ARHGEF18: variants seen among roughly 807,000 people sequenced by gnomAD.
ARHGEF18 encodes Rho/Rac guanine nucleotide exchange factor 18.
ARHGEF18 carries 93 observed loss-of-function variants against 155.7 expected under a neutral mutation model. The ratio of observed to expected loss-of-function variants is 0.60; its 90% confidence interval spans 0.50 to 0.71. ARHGEF18 has a LOEUF of 0.71. Ranked by LOEUF, ARHGEF18 falls within the 30% of genes least tolerant of loss-of-function variation. ARHGEF18 has a pLI of 0.00. For synonymous variants in ARHGEF18, 742 were observed against 753.1 expected (o/e 0.99, Z 0.24); for missense variants, 1,593 against 1,816.1 (o/e 0.88, Z 2.23).
At chr19:7,387,443 C>T (rs551630889) in intron 10 of ARHGEF18, among the ~76,000 whole-genome samples, 14 of 152,120 alleles carry the variant, frequency 9.2e-5, no homozygotes, top group Non-Finnish European at 1.5e-4. Flanking sequence ...TGAGCCACCG[C>T]GCCCAGCGCT....
At chr19:7,472,948 C>T (rs541745365), downstream of ARHGEF18, 19 of 455,260 alleles carry the variant, frequency 4.2e-5, no homozygotes, top group East Asian at 6.9e-5. Context: ...GTGATCTGCC[C>T]GCCTCAGCCT....
intron 1 of ARHGEF18, among the ~76,000 whole-genome samples, chr19:7,351,598 C>T (rs1270973947): frequency 6.6e-6 from 1 of 151,998 alleles, no homozygotes; most frequent in Non-Finnish European, 1.5e-5. Context: ...GCTGGGATTA[C>T]AGGCATGACC....
rs1257738632 is a variant in ARHGEF18, at chr19:7,444,601, C to G, written c.1611+147C>G. On this transcript the variant is annotated intron_variant, in intron 14 of 28. Transcript: ENST00000668164. The surrounding 1 kb of genome is among the most constrained non-coding windows in gnomAD (Gnocchi z 4.7). Reference sequence around the variant, plus strand: ...TCACAGCTCAATGCAGCCTCAACCTCTCAGGCTCAGGTGATCCTCCCACCT... The same window carrying G: ...TCACAGCTCAATGCAGCCTCAACCTGTCAGGCTCAGGTGATCCTCCCACCT... The G allele has an allele frequency of 8.5e-7, 1 of 1,176,822 alleles. No individual in the cohort carries two copies. Among genetic ancestry groups the G allele is most frequent in the Non-Finnish European group, 1.2e-6 (1 of 858,768 alleles). 72.9% of individuals were successfully genotyped at this position (1,176,822 alleles called of 1,614,324 possible).
intron 10 of ARHGEF18, among the ~76,000 whole-genome samples, chr19:7,397,035 C>T (rs561151749): frequency 2.8e-5 from 4 of 142,802 alleles, no homozygotes; most frequent in Non-Finnish European, 4.5e-5. Context: ...TTGTTTGGAC[C>T]GAGTCAGGGT....
intron 26 of ARHGEF18, among the ~76,000 whole-genome samples, chr19:7,467,904 T>C (rs939367962): frequency 7.0e-6 from 1 of 143,260 alleles, no homozygotes; most frequent in Non-Finnish European, 1.5e-5. Context: ...AAACATGCCA[T>C]AAATGTTAGA....
intron 10 of ARHGEF18, among the ~76,000 whole-genome samples, chr19:7,431,985 C>A (rs1973996836): frequency 6.6e-6 from 1 of 152,060 alleles, no homozygotes; most frequent in Non-Finnish European, 1.5e-5. Flanking sequence ...TGGATAGTAC[C>A]AGGTTTGGGA....
chr19:7,442,464 A>G (rs1016944268), intron 13 of ARHGEF18, among the ~76,000 whole-genome samples: 2 of 151,994 alleles, frequency 1.3e-5, no homozygotes, highest in African/African-American at 2.4e-5. Context: ...CAATCTCCTG[A>G]GCTCAAGTGA....
rs1415878742 is a variant in ARHGEF18, at chr19:7,458,508, G to T, written c.2182-4G>T. The T allele has an allele frequency of 1.2e-6, 2 of 1,613,766 alleles. No homozygotes were observed. Among genetic ancestry groups the T allele is most frequent in the Non-Finnish European group, 1.7e-6 (2 of 1,179,754 alleles). ...GACCTCCCCAATGCCCTCTACTCATGCAGGACTCAAAGCCACCCGTCATCT... is the reference window on the plus strand; with the variant it reads ...GACCTCCCCAATGCCCTCTACTCATTCAGGACTCAAAGCCACCCGTCATCT... On this transcript the variant is annotated splice_polypyrimidine_tract_variant and splice_region_variant and intron_variant, in intron 18 of 28. Transcript: ENST00000668164.
intron 10 of ARHGEF18, among the ~76,000 whole-genome samples, chr19:7,411,730 C>T (rs909669286): frequency 1.3e-5 from 2 of 152,154 alleles, no homozygotes; most frequent in African/African-American, 4.8e-5. Flanking sequence ...TCTTCCCAAG[C>T]TGCAACTCTG....
chr19:7,431,510 C>CAAAAA (rs34609858), intron 10 of ARHGEF18, among the ~76,000 whole-genome samples: 569 of 51,282 alleles, frequency 0.011, 36 homozygotes, highest in African/African-American at 0.042. Context: ...GACTCCATCT[C>CAAAAA]AAAAAAAAAA....
chr19:7,427,660 A>G (rs1469380687), intron 10 of ARHGEF18, among the ~76,000 whole-genome samples: 1 of 147,578 alleles, frequency 6.8e-6, no homozygotes, highest in Admixed American at 6.8e-5. Context: ...AAAAAAAAAA[A>G]GAAGGCCGGG....
intron 3 of ARHGEF18, 56 bp from the exon 4 acceptor site, chr19:7,375,664 C>T: frequency 8.1e-7 from 1 of 1,231,498 alleles, no homozygotes; most frequent in Non-Finnish European, 1.0e-6. Flanking sequence ...ATGCCTGGGG[C>T]AGCAGCCAGG....
At chr19:7,396,572 G>A (rs970510390) in intron 10 of ARHGEF18, among the ~76,000 whole-genome samples, 1 of 152,016 alleles carries the variant, frequency 6.6e-6, no homozygotes, top group Non-Finnish European at 1.5e-5. Context: ...AAAATTAGCC[G>A]GGCATGGTAG....
intron 10 of ARHGEF18, among the ~76,000 whole-genome samples, chr19:7,431,529 A>AAAAAAAAAAAAAAAAAAAAAAAG (rs901539858): frequency 6.8e-6 from 1 of 146,960 alleles, no homozygotes; most frequent in Non-Finnish European, 1.5e-5. Context: ...AAAAAAAAAA[A>AAAAAAAAAAAAAAAAAAAAAAAG]AAAAGGCCGG....
chr19:7,455,858 T>C (rs1340341316), intron 17 of ARHGEF18, among the ~76,000 whole-genome samples: 1 of 152,152 alleles, frequency 6.6e-6, no homozygotes, highest in African/African-American at 2.4e-5. Flanking sequence ...CTTATAAAAC[T>C]GTCAGATCTT....
intron 2 of ARHGEF18, among the ~76,000 whole-genome samples, chr19:7,370,501 A>C (rs888881449): frequency 7.2e-5 from 11 of 152,132 alleles, no homozygotes; most frequent in African/African-American, 2.7e-4. Flanking sequence ...ATCTCAAAAA[A>C]TAATAAATAA....
intron 23 of ARHGEF18, among the ~76,000 whole-genome samples, chr19:7,466,504 CA>C (rs34455146): frequency 0.3 from 35,993 of 121,922 alleles, 4,491 homozygotes; most frequent in Middle Eastern, 0.35. Flanking sequence ...GGCCCTGTCT[CA>C]AAAAAAAAAA....
At chr19:7,436,190 ATTTCTTCTTTTTTT>A (rs1342722670) in intron 10 of ARHGEF18, among the ~76,000 whole-genome samples, 1 of 81,620 alleles carries the variant, frequency 1.2e-5, no homozygotes, top group Non-Finnish European at 2.3e-5. Context: ...TGGAATCAGC[ATTTCTTCTTTTTTT>A]TTTTTTTTTT....
At position 7,451,283 on chromosome 19, in the gene ARHGEF18, C is replaced by T. The variant is rs1383288590; in HGVS notation, c.1855+17C>T. The T allele has an allele frequency of 2.5e-6, 4 of 1,609,486 alleles. No homozygotes were observed. Among genetic ancestry groups the T allele is most frequent in the Non-Finnish European group, 3.4e-6 (4 of 1,176,796 alleles). ...ACACGGAAGGTAGGCCTTCTCCCCA[C>T]TGCCCCGCCCGCCCGTGCTGCTGCA... On this transcript the variant is annotated intron_variant, in intron 16 of 28. Coordinates refer to ENST00000668164, the MANE Select transcript of ARHGEF18 (RefSeq NM_001367823.1).
Sources: allele counts gnomAD v4.1 joint callset (sites outside exome capture counted in the v4.1 genomes callset), GRCh38; gene constraint gnomAD v4.1.1; non-coding constraint Gnocchi (gnomAD v3.1); transcripts MANE v1.5; gene names NCBI Gene and HGNC (gene_info 2026-07-23, HGNC 2026-07-21).